The following ABCC2 variants were observed in gnomAD, a reference collection of about 807,000 sequenced individuals.
ABCC2 encodes ATP-binding cassette sub-family C member 2.
A neutral mutation model predicts 173.4 loss-of-function variants in ABCC2; 157 were observed. That is an observed-to-expected ratio of 0.91 (90% CI 0.80 to 1.03). The LOEUF (loss-of-function observed/expected upper bound fraction) is 1.03, where lower values mean the gene tolerates loss of function less well. ABCC2 is among the 50% of genes least tolerant of loss of function. The probability of loss-of-function intolerance (pLI) is 0.00; values close to 1 mark genes in which losing one functional copy is unlikely to be tolerated. For synonymous variants in ABCC2, 657 were observed against 693.5 expected, an observed-to-expected ratio of 0.95 and a Z score of 0.83; for missense variants, 1,822 against 1,852.3, an observed-to-expected ratio of 0.98 and a Z score of 0.30.
chr10:99,798,029 A>C (rs953396847), intron 7 of ABCC2: 4 of 154,628 alleles, frequency 2.6e-5, no homozygotes, highest in Non-Finnish European at 5.7e-5. Flanking sequence ...ATGGGGTGAG[A>C]TGGGCTCAAG....
chr10:99,810,922 G>C (rs1462929955), intron 14 of ABCC2, among the ~76,000 whole-genome samples: 1 of 151,988 alleles, frequency 6.6e-6, no homozygotes, highest in Non-Finnish European at 1.5e-5. Flanking sequence ...TACTCAGGAG[G>C]CTGAGGCAGG....
chr10:99,821,023 G>T (rs947902594), intron 19 of ABCC2, among the ~76,000 whole-genome samples: 7 of 152,234 alleles, frequency 4.6e-5, no homozygotes, highest in African/African-American at 1.7e-4. Context: ...AGGGGGATGT[G>T]TCAGGGTCAC....
intron 25 of ABCC2, among the ~76,000 whole-genome samples, chr10:99,839,164 C>T (rs1275811795): frequency 3.7e-5 from 4 of 107,088 alleles, no homozygotes; most frequent in South Asian, 3.1e-4. Context: ...CCCTCCCGGA[C>T]GGGGCGGCTG....
intron 31 of ABCC2, 51 bp downstream of exon 31, chr10:99,850,847 C>T (rs2039079334): frequency 6.3e-6 from 10 of 1,597,786 alleles, no homozygotes; most frequent in Non-Finnish European, 8.6e-6. Flanking sequence ...CCTTGCTCAA[C>T]AGTAACAGTG....
intron 2 of ABCC2, 37 bp downstream of exon 2, chr10:99,784,818 T>C: frequency 6.2e-7 from 1 of 1,607,596 alleles, no homozygotes; most frequent in Non-Finnish European, 8.5e-7. Context: ...CTCTAATTCC[T>C]TGGTGCACAG....
Position 99,831,603 on chromosome 10 carries a change from C to G in ABCC2, c.2884-8C>G. 6.2e-7 allele frequency: 1 copy of G among 1,612,938 alleles called. No homozygotes were observed. Among genetic ancestry groups the G allele is most frequent in the Non-Finnish European group, 8.5e-7 (1 of 1,178,928 alleles). ...AGTTCTACTAATATTGAGGTGGGGA[C>G]TTTGCAGGTGAAGTTCTCCATCTAC... On this transcript the variant is annotated splice_polypyrimidine_tract_variant and splice_region_variant and intron_variant, in intron 21 of 31. Coordinates refer to ENST00000647814, the MANE Select transcript of ABCC2 (RefSeq NM_000392.5).
chr10:99,820,747 T>A (rs967090497), intron 19 of ABCC2, among the ~76,000 whole-genome samples: 5 of 151,926 alleles, frequency 3.3e-5, no homozygotes, highest in African/African-American at 1.2e-4. Flanking sequence ...AAAGGAGCAA[T>A]TGAAAGCTTT....
At chr10:99,822,258 C>T (rs956719412) in intron 19 of ABCC2, among the ~76,000 whole-genome samples, 5 of 152,152 alleles carry the variant, frequency 3.3e-5, no homozygotes, top group Admixed American at 6.5e-5. Context: ...GCAGCATACT[C>T]TCTGGGGTTT....
At chr10:99,816,803 C>T (rs1479849725) in intron 16 of ABCC2, among the ~76,000 whole-genome samples, 1 of 152,142 alleles carries the variant, frequency 6.6e-6, no homozygotes, top group Non-Finnish European at 1.5e-5. Context: ...GTGAACTGCA[C>T]ATGCCAGGGA....
chr10:99,793,080 C>T (rs1173055557), intron 3 of ABCC2, among the ~76,000 whole-genome samples: 1 of 152,008 alleles, frequency 6.6e-6, no homozygotes, highest in Non-Finnish European at 1.5e-5. Flanking sequence ...AGGAAATCAA[C>T]ATTTAATTTA....
At chr10:99,795,375 G>T (rs1265004149) in intron 6 of ABCC2, among the ~76,000 whole-genome samples, 1 of 152,092 alleles carries the variant, frequency 6.6e-6, no homozygotes, top group East Asian at 1.9e-4. Context: ...TTTTAAAGTA[G>T]TTATGAGCAT....
chr10:99,808,340 G>A (rs2038150073), intron 13 of ABCC2, 111 bp downstream of exon 13: 2 of 1,439,720 alleles, frequency 1.4e-6, no homozygotes, highest in South Asian at 2.3e-5. Flanking sequence ...ACTTTCAAGA[G>A]AGAGATCTGT....
chr10:99,846,057 CATCA>C (rs1207523360), intron 29 of ABCC2, among the ~76,000 whole-genome samples: 4 of 152,174 alleles, frequency 2.6e-5, no homozygotes, highest in Non-Finnish European at 5.9e-5. Flanking sequence ...TGCTATAGCC[CATCA>C]CGGTTTGCAA....
intron 2 of ABCC2, 98 bp from the exon 3 acceptor site, chr10:99,792,136 T>C: frequency 6.9e-7 from 1 of 1,452,574 alleles, no homozygotes; most frequent in South Asian, 1.1e-5. Context: ...TCTGAATCAC[T>C]GCATACCGCT....
At chr10:99,830,195 C>A in intron 19 of ABCC2, 112 bp from the exon 20 acceptor site, 1 of 1,276,248 alleles carries the variant, frequency 7.8e-7, no homozygotes, top group Non-Finnish European at 1.1e-6. Flanking sequence ...GTATGTACAT[C>A]TGGGATCCCT....
intron 5 of ABCC2, 150 bp downstream of exon 5, chr10:99,794,149 T>TGC: frequency 1.8e-6 from 1 of 568,052 alleles, no homozygotes; most frequent in South Asian, 1.9e-5. Flanking sequence ...CAGATAGTGA[T>TGC]GAGAGTAAAA....
chr10:99,789,709 CAAA>C (rs11412117), intron 2 of ABCC2, among the ~76,000 whole-genome samples: 2 of 98,302 alleles, frequency 2.0e-5, no homozygotes, highest in African/African-American at 4.0e-5. Context: ...AACTCCGTCT[CAAA>C]AAAAAAAAAA....
In ABCC2 at chr10:99,799,379, C is replaced by G. The variant is rs1452605144; in HGVS notation, c.1031+9C>G. The G allele has an allele frequency of 6.2e-7, 1 of 1,614,040 alleles. No homozygotes were observed. Among genetic ancestry groups the G allele is most frequent in the Non-Finnish European group, 8.5e-7 (1 of 1,179,984 alleles). ...AGTCCTCAGCTGCTGAAGTGAGTCTCCAGGCCTCAGATGGTCCTTTCAGGG... is the reference window on the plus strand; with the variant it reads ...AGTCCTCAGCTGCTGAAGTGAGTCTGCAGGCCTCAGATGGTCCTTTCAGGG... On this transcript the variant is annotated intron_variant, in intron 8 of 31. Transcript: ENST00000647814.
At chr10:99,803,719 G>A (rs548554077) in intron 9 of ABCC2, among the ~76,000 whole-genome samples, 4 of 152,266 alleles carry the variant, frequency 2.6e-5, no homozygotes, top group East Asian at 1.9e-4. Context: ...TGGTAGTCAC[G>A]GTGGTTTTCT....
Sources: gnomAD v4.1 joint callset for allele counts (sites outside exome capture counted in the v4.1 genomes callset) on GRCh38, gnomAD v4.1.1 for gene constraint, MANE v1.5 for transcripts, NCBI Gene and HGNC (gene_info 2026-07-23, HGNC 2026-07-21) for gene names.